Variants in ARHGAP32 observed in about 807,000 individuals in gnomAD.
ARHGAP32 encodes rho GTPase-activating protein 32.
A neutral mutation model predicts 186.5 loss-of-function variants in ARHGAP32; 51 were observed. The observed-to-expected ratio is 0.27, with a 90% CI of 0.22 to 0.35. The LOEUF (loss-of-function observed/expected upper bound fraction) is 0.35. Among genes scored for constraint, ARHGAP32 ranks in the 10% least tolerant of loss-of-function variants. The pLI, the probability that ARHGAP32 is intolerant of heterozygous loss-of-function variation, is 1.00. For synonymous variants in ARHGAP32, 950 were observed against 964.3 expected, an observed-to-expected ratio of 0.99 and a Z score of 0.27; for missense variants, 2,186 against 2,623.5, an observed-to-expected ratio of 0.83 and a Z score of 3.64.
intron 1 of ARHGAP32, among the ~76,000 whole-genome samples, chr11:129,255,298 T>G (rs769934879): frequency 4.6e-5 from 7 of 152,222 alleles, no homozygotes; most frequent in Admixed American, 3.9e-4. Flanking sequence ...AGGATCATCT[T>G]TTTAATAAAT....
intron 1 of ARHGAP32, among the ~76,000 whole-genome samples, chr11:129,236,321 T>G (rs1944934423): frequency 6.6e-6 from 1 of 152,188 alleles, no homozygotes; most frequent in African/African-American, 2.4e-5. Flanking sequence ...TGATAATCAG[T>G]GATGTTGAGC....
At chr11:129,252,060 A>G (rs1278786481) in intron 1 of ARHGAP32, among the ~76,000 whole-genome samples, 1 of 138,670 alleles carries the variant, frequency 7.2e-6, no homozygotes, top group Non-Finnish European at 1.6e-5. Flanking sequence ...TAATTCAAAT[A>G]TAATTTAAAT....
intron 5 of ARHGAP32, among the ~76,000 whole-genome samples, chr11:129,101,807 C>T (rs1186444843): frequency 1.3e-5 from 2 of 152,138 alleles, no homozygotes; most frequent in African/African-American, 2.4e-5. Flanking sequence ...TGAGAACTTC[C>T]CCAACCTAAC....
intron 1 of ARHGAP32, among the ~76,000 whole-genome samples, chr11:129,235,974 A>G (rs1944926531): frequency 6.6e-6 from 1 of 151,432 alleles, no homozygotes; most frequent in Non-Finnish European, 1.5e-5. Flanking sequence ...TCATTGGCTG[A>G]TGGGCATTTG....
Position 128,969,077 on chromosome 11 carries a change from G to A in ARHGAP32, c.6136C>T (p.Leu2046=), listed in dbSNP as rs753782851. The change falls in exon 23 of 23, where the codon CTG becomes TTG. Residue 2046 remains leucine, a synonymous_variant. Transcript: ENST00000682385. This position sits in a 1 kb window ranked among gnomAD's most constrained non-coding sequence, Gnocchi z 4.8. The part of the protein sequence containing the change: ...QYDNLEDYHS[L]PQHQRGVFGG... ...AAGACTCCTCGCTGGTGCTGAGGCA[G>A]GGAGTGGTAATCTTCCAGGTTATCA... 6.2e-7 allele frequency: 1 copy of A among 1,610,462 alleles called. No individual in the cohort carries two copies. Among genetic ancestry groups the A allele is most frequent in the East Asian group, 2.2e-5 (1 of 44,790 alleles).
intron 1 of ARHGAP32, among the ~76,000 whole-genome samples, chr11:129,164,898 CAT>C (rs1388390205): frequency 6.6e-6 from 1 of 152,068 alleles, no homozygotes; most frequent in Non-Finnish European, 1.5e-5. Context: ...TTGGGCAAAA[CAT>C]ATAAAACAGC....
chr11:129,224,193 T>A (rs1431520047), intron 1 of ARHGAP32, among the ~76,000 whole-genome samples: 1 of 152,226 alleles, frequency 6.6e-6, no homozygotes, highest in Non-Finnish European at 1.5e-5. Context: ...CTGTCATGGT[T>A]GCAGAATTCT....
intron 1 of ARHGAP32, among the ~76,000 whole-genome samples, chr11:129,220,670 T>C (rs987008139): frequency 3.3e-5 from 5 of 152,162 alleles, no homozygotes; most frequent in African/African-American, 4.8e-5. Flanking sequence ...CAATTAAAAA[T>C]GCAGGTTTCT....
At chr11:129,193,582 TATATA>T (rs1447132300), upstream of ARHGAP32, among the ~76,000 whole-genome samples, 236 of 52,064 alleles carry the variant, frequency 4.5e-3, 10 homozygotes, top group African/African-American at 0.017. Flanking sequence ...ATATATATAT[TATATA>T]ATATATGTTA....
Position 128,980,543 on chromosome 11 carries a change from C to T in ARHGAP32, c.1976+10G>A, listed in dbSNP as rs1945678159. ...AATCATATCCCAAAATAGGATTTAA[C>T]AAATTTTACCTTTCAAGTGGGAACT... On this transcript the variant is annotated intron_variant, in intron 18 of 22. Transcript: ENST00000682385. 1.3e-6 allele frequency: 2 copies of T among 1,591,504 alleles called. No homozygotes were observed.
chr11:129,000,412 A>C (rs1946323243), intron 11 of ARHGAP32, among the ~76,000 whole-genome samples: 1 of 152,230 alleles, frequency 6.6e-6, no homozygotes, highest in Non-Finnish European at 1.5e-5. Flanking sequence ...AGACTAAGCC[A>C]GATGGCCTAA....
At chr11:129,020,185 T>C (rs1024857169) in intron 11 of ARHGAP32, among the ~76,000 whole-genome samples, 1 of 151,988 alleles carries the variant, frequency 6.6e-6, no homozygotes, top group Non-Finnish European at 1.5e-5. Context: ...TTGGAGAACT[T>C]TGTCAAAAAA....
chr11:129,273,963 G>A (rs543464713), intron 1 of ARHGAP32, among the ~76,000 whole-genome samples: 125 of 147,170 alleles, frequency 8.5e-4, no homozygotes, highest in African/African-American at 3.0e-3. Context: ...CCAATATTAT[G>A]TATATTATAA....
chr11:129,208,122 G>A (rs372350673), intron 1 of ARHGAP32, among the ~76,000 whole-genome samples: 2 of 152,228 alleles, frequency 1.3e-5, no homozygotes, highest in East Asian at 1.9e-4. Flanking sequence ...TGTGAACTTC[G>A]AAATATCCTT....
At chr11:129,015,268 C>T (rs927760448) in intron 11 of ARHGAP32, among the ~76,000 whole-genome samples, 5 of 152,268 alleles carry the variant, frequency 3.3e-5, no homozygotes, top group South Asian at 2.1e-4. Context: ...CTGGAAAACA[C>T]GACCAGAAGA....
intron 1 of ARHGAP32, among the ~76,000 whole-genome samples, chr11:129,252,306 C>T (rs983521668): frequency 5.3e-5 from 8 of 152,206 alleles, no homozygotes; most frequent in African/African-American, 1.7e-4. Context: ...GAGGCAAGAA[C>T]GGTTAGCTAA....
intron 2 of ARHGAP32, among the ~76,000 whole-genome samples, chr11:129,141,630 A>C: frequency 6.6e-6 from 1 of 151,868 alleles, no homozygotes; most frequent in Non-Finnish European, 1.5e-5. Flanking sequence ...ATTAAAAAAA[A>C]AAAAAGAAAG....
Position 129,204,245 on chromosome 11 carries a change from G to A in ARHGAP32, c.-4-39818C>T, listed in dbSNP as rs368700122. Among the ~76,000 whole-genome samples the A allele has an allele frequency of 4.6e-5, 7 of 151,814 alleles. No homozygotes were observed. In the East Asian group the frequency reaches 1.2e-3, roughly 25 times the overall value. On this transcript the variant is annotated intron_variant, in intron 1 of 6. Transcript: ENST00000525234. ...ATATATAACCATATTCCTGCTCACC[G>A]CTGTAACTGGACTTCCTCCTAATGT... is the stretch of plus-strand genomic sequence containing the variant.
At chr11:129,083,864 C>A (rs1277713709) in intron 6 of ARHGAP32, among the ~76,000 whole-genome samples, 2 of 151,670 alleles carry the variant, frequency 1.3e-5, no homozygotes, top group Non-Finnish European at 2.9e-5. Context: ...CAGAAATTAC[C>A]AAAACCAAAA....
Sources: allele counts gnomAD v4.1 joint callset (sites outside exome capture counted in the v4.1 genomes callset), GRCh38; gene constraint gnomAD v4.1.1; non-coding constraint Gnocchi (gnomAD v3.1); transcripts MANE v1.5; gene names NCBI Gene and HGNC (gene_info 2026-07-23, HGNC 2026-07-21).